Variants in GLCCI1 observed in about 807,000 individuals in gnomAD.
GLCCI1 encodes the protein glucocorticoid induced 1.
In GLCCI1, 24 loss-of-function variants were observed where a neutral mutation model predicts 52.2. The observed-to-expected ratio is 0.46, with a 90% CI of 0.33 to 0.65. GLCCI1 has a LOEUF of 0.65. GLCCI1 is among the 30% of genes least tolerant of loss of function. The pLI, the probability that GLCCI1 is intolerant of heterozygous loss-of-function variation, is 0.02. For synonymous variants in GLCCI1, 310 were observed against 276.5 expected (o/e 1.12, Z -1.20); for missense variants, 704 against 701.5 (o/e 1.00, Z -0.04).
intron 2 of GLCCI1, among the ~76,000 whole-genome samples, chr7:8,010,282 C>T (rs1781238968): frequency 6.6e-6 from 1 of 152,176 alleles, no homozygotes; most frequent in Non-Finnish European, 1.5e-5. Flanking sequence ...CCACCACTGC[C>T]TTCTTGCTTC....
intron 3 of GLCCI1, among the ~76,000 whole-genome samples, chr7:8,052,856 C>T (rs1321051050): frequency 2.6e-5 from 4 of 152,158 alleles, no homozygotes; most frequent in Admixed American, 2.6e-4. Context: ...TCCTTTCTCA[C>T]TGCCATCCCT....
rs1781940000 is a variant in GLCCI1 at position 8,039,110 on chromosome 7, A to T, written c.697-16323A>T. On this transcript the variant is annotated intron_variant, in intron 3 of 7. Transcript: ENST00000223145. ...GACTATTAAAAAGTCAAAAAAAAAT[A>T]GTTGTTGGTGAGGAAAAGGGAATGC... is the stretch of plus-strand genomic sequence containing the variant. Among the ~76,000 whole-genome samples the T allele has an allele frequency of 2.6e-5, 4 of 152,148 alleles. No homozygotes were observed. The South Asian group carries it at 8.3e-4, about 32-fold the overall frequency.
chr7:8,072,943 C>A (rs1333067350), intron 6 of GLCCI1, among the ~76,000 whole-genome samples: 1 of 152,050 alleles, frequency 6.6e-6, no homozygotes, highest in Admixed American at 6.5e-5. Flanking sequence ...TCAGGGCCTC[C>A]CAGTGAATAG....
At chr7:7,984,196 G>T (rs1385366430) in intron 1 of GLCCI1, among the ~76,000 whole-genome samples, 4 of 152,032 alleles carry the variant, frequency 2.6e-5, no homozygotes, top group Middle Eastern at 3.2e-3. Context: ...GAGTATCCAG[G>T]ACCACAGGCA....
In GLCCI1 at chr7:8,084,982, G is replaced by A; in HGVS notation, c.1263G>A (p.Glu421=). 6.2e-7 allele frequency: 1 copy of A among 1,614,166 alleles called. No homozygotes were observed. Among genetic ancestry groups the A allele is most frequent in the Non-Finnish European group, 8.5e-7 (1 of 1,180,022 alleles). Reference sequence around the variant, plus strand: ...ACATGTTCAAACGGGAGCCCCCAGAGGGATGTGAGCGAGTGAAGGTCTTTG... The same window carrying A: ...ACATGTTCAAACGGGAGCCCCCAGAAGGATGTGAGCGAGTGAAGGTCTTTG... ...NSYMFKREPP[E]GCERVKVFEE... Residue 421 remains glutamate (E), a synonymous_variant, in exon 7 of 8, where the codon GAG becomes GAA. Transcript: ENST00000223145.
intron 5 of GLCCI1, among the ~76,000 whole-genome samples, chr7:8,064,657 G>A (rs774783320): frequency 6.6e-6 from 1 of 152,148 alleles, no homozygotes; most frequent in Non-Finnish European, 1.5e-5. Flanking sequence ...GAAGTTTGAT[G>A]GGAACAGCAT....
intron 6 of GLCCI1, among the ~76,000 whole-genome samples, chr7:8,071,775 G>A (rs1443734354): frequency 1.3e-5 from 2 of 152,086 alleles, no homozygotes; most frequent in African/African-American, 4.8e-5. Context: ...GCTACAGAAG[G>A]CCATATAGAC....
intron 3 of GLCCI1, among the ~76,000 whole-genome samples, chr7:8,037,842 C>T (rs926696344): frequency 9.9e-5 from 15 of 152,000 alleles, no homozygotes; most frequent in African/African-American, 3.4e-4. Flanking sequence ...GAAGATATAG[C>T]AATTCTAAAT....
intron 3 of GLCCI1, among the ~76,000 whole-genome samples, chr7:8,041,173 G>A (rs943204501): frequency 6.6e-6 from 1 of 152,132 alleles, no homozygotes; most frequent in Admixed American, 6.5e-5. Flanking sequence ...TTGCTGACAC[G>A]GAGAAAATTT....
intron 7 of GLCCI1, 25 bp downstream of exon 7, chr7:8,085,042 TG>T: frequency 6.2e-7 from 1 of 1,613,108 alleles, no homozygotes; most frequent in Non-Finnish European, 8.5e-7. Context: ...TTTTGTCAGC[TG>T]GGATCTGCAA....
intron 6 of GLCCI1, among the ~76,000 whole-genome samples, chr7:8,074,627 G>C (rs1782835321): frequency 6.6e-6 from 1 of 152,124 alleles, no homozygotes; most frequent in African/African-American, 2.4e-5. Flanking sequence ...GGAGGTTGCA[G>C]CAAGCCGAGA....
chr7:8,083,496 A>G (rs58849528), intron 6 of GLCCI1, among the ~76,000 whole-genome samples: 22,519 of 152,092 alleles, frequency 0.15, 1,790 homozygotes, highest in Admixed American at 0.19. Context: ...AGACAATCCT[A>G]TTCCTCCTCC....
chr7:8,038,578 A>G (rs1781922459), intron 3 of GLCCI1, among the ~76,000 whole-genome samples: 1 of 152,170 alleles, frequency 6.6e-6, no homozygotes, highest in Non-Finnish European at 1.5e-5. Context: ...CTGAACCTAT[A>G]TCTCTTATCA....
intron 3 of GLCCI1, among the ~76,000 whole-genome samples, chr7:8,039,007 A>C (rs554659051): frequency 5.9e-5 from 9 of 152,346 alleles, no homozygotes; most frequent in Non-Finnish European, 1.2e-4. Context: ...AAGGAGATGA[A>C]AAATGCTCAG....
chr7:8,065,450 G>A (rs1250957360), intron 5 of GLCCI1, among the ~76,000 whole-genome samples: 1 of 151,698 alleles, frequency 6.6e-6, no homozygotes, highest in Non-Finnish European at 1.5e-5. Context: ...TGTTGAACAG[G>A]AGTGGTGAGA....
At chr7:7,981,386 G>A (rs1583943191) in intron 1 of GLCCI1, among the ~76,000 whole-genome samples, 1 of 151,540 alleles carries the variant, frequency 6.6e-6, no homozygotes, top group Non-Finnish European at 1.5e-5. Context: ...GCAGTGGCAC[G>A]ATCTCGGCTC....
At chr7:8,009,181 AT>A (rs1781211535) in intron 2 of GLCCI1, among the ~76,000 whole-genome samples, 1 of 152,194 alleles carries the variant, frequency 6.6e-6, no homozygotes, top group Admixed American at 6.5e-5. Flanking sequence ...GAAATTTAAT[AT>A]TTTATTACTG....
intron 3 of GLCCI1, among the ~76,000 whole-genome samples, chr7:8,028,934 C>T (rs1233196096): frequency 6.6e-6 from 1 of 152,070 alleles, no homozygotes; most frequent in Non-Finnish European, 1.5e-5. Flanking sequence ...GGGCCAATAA[C>T]AAGTAGAGAT....
chr7:8,023,588 C>CTTTTT lies in GLCCI1; in HGVS notation c.696+1043_696+1047dup, dbSNP rs571726894. On this transcript the variant is annotated intron_variant, in intron 3 of 7. Coordinates refer to ENST00000223145, the MANE Select transcript of GLCCI1 (RefSeq NM_138426.4). ...AGATGGTCATCTAATCTCTGTTATT[C>CTTTTT]TTTTTTTTTTTTTTTTTTTTTTTTT... 2.4e-4 allele frequency among the ~76,000 whole-genome samples: 10 copies of CTTTTT among 41,984 alleles called. 2 individuals are homozygous for CTTTTT. Among genetic ancestry groups the CTTTTT allele is most frequent in the African/African-American group, 6.1e-4 (6 of 9,796 alleles). 27.5% of individuals were successfully genotyped at this position (41,984 alleles called of 152,430 possible).
Sources: allele counts gnomAD v4.1 joint callset (sites outside exome capture counted in the v4.1 genomes callset), GRCh38; gene constraint gnomAD v4.1.1; transcripts MANE v1.5; gene names NCBI Gene and HGNC (gene_info 2026-07-23, HGNC 2026-07-21).